Variants in LEKR1 observed in about 807,000 individuals in gnomAD.
LEKR1 encodes the protein leucine, glutamate and lysine rich 1.
LEKR1 carries 59 observed loss-of-function variants against 72.4 expected under a neutral mutation model. The observed-to-expected ratio is 0.82, with a 90% CI of 0.66 to 1.01. The LOEUF (loss-of-function observed/expected upper bound fraction) is 1.01. Ranked by LOEUF, LEKR1 falls within the 50% of genes least tolerant of loss-of-function variation. The pLI is 0.00. For missense variants in LEKR1, 728 were observed against 759.2 expected (o/e 0.96, Z 0.48); for synonymous variants, 257 against 263.2 (o/e 0.98, Z 0.23).
At chr3:156,854,410 T>C (rs1292276341) in intron 3 of LEKR1, among the ~76,000 whole-genome samples, 1 of 152,130 alleles carries the variant, frequency 6.6e-6, no homozygotes, top group East Asian at 1.9e-4. Context: ...CCTCCCAAAC[T>C]GTTGGCATTA....
At chr3:156,922,857 A>G (rs1032145225) in intron 4 of LEKR1, among the ~76,000 whole-genome samples, 3 of 152,224 alleles carry the variant, frequency 2.0e-5, no homozygotes, top group African/African-American at 7.2e-5. Flanking sequence ...GAAATATTCT[A>G]GCAGTATTTA....
chr3:156,898,124 A>G (rs891547167), intron 3 of LEKR1, among the ~76,000 whole-genome samples: 2 of 152,160 alleles, frequency 1.3e-5, no homozygotes, highest in Non-Finnish European at 2.9e-5. Flanking sequence ...ATATCTAGCT[A>G]TGTTAATAGG....
chr3:156,950,532 A>G (rs1156812196), intron 6 of LEKR1, among the ~76,000 whole-genome samples: 1 of 151,056 alleles, frequency 6.6e-6, no homozygotes, highest in Non-Finnish European at 1.5e-5. Flanking sequence ...TGTAATTCTC[A>G]TTGTAGAGAC....
intron 9 of LEKR1, among the ~76,000 whole-genome samples, chr3:157,008,176 G>A (rs113621762): frequency 0.012 from 1,874 of 152,206 alleles, 33 homozygotes; most frequent in African/African-American, 0.042. Flanking sequence ...ACATTTGCTG[G>A]ATTTTGAGCA....
chr3:156,850,050 A>T (rs1167525489), intron 2 of LEKR1, among the ~76,000 whole-genome samples: 1 of 152,162 alleles, frequency 6.6e-6, no homozygotes, highest in African/African-American at 2.4e-5. Context: ...ATGAACTCAG[A>T]CAAATTTACA....
At chr3:156,983,262 G>A (rs1244617598) in intron 7 of LEKR1, among the ~76,000 whole-genome samples, 1 of 152,162 alleles carries the variant, frequency 6.6e-6, no homozygotes, top group Non-Finnish European at 1.5e-5. Flanking sequence ...CAATTGAGTG[G>A]TGATGCTGGT....
intron 1 of LEKR1, chr3:156,826,809 C>T (rs972602443): frequency 6.4e-6 from 1 of 155,482 alleles, no homozygotes. Context: ...CCTTCACCTG[C>T]CCCTGACCTG....
intron 2 of LEKR1, among the ~76,000 whole-genome samples, chr3:156,846,722 T>C (rs376561865): frequency 6.6e-6 from 1 of 152,252 alleles, no homozygotes; most frequent in East Asian, 1.9e-4. Flanking sequence ...ATCACTCTTA[T>C]CTACAAAGAA....
At chr3:157,038,250 G>A (rs1453445016) in intron 12 of LEKR1, among the ~76,000 whole-genome samples, 2 of 152,178 alleles carry the variant, frequency 1.3e-5, no homozygotes, top group Non-Finnish European at 2.9e-5. Flanking sequence ...TGATATGAAA[G>A]CATAAAAAGG....
chr3:156,985,973 A>G (rs1008916802), intron 7 of LEKR1, among the ~76,000 whole-genome samples: 3 of 152,164 alleles, frequency 2.0e-5, no homozygotes, highest in Admixed American at 2.0e-4. Flanking sequence ...AGATGTGAGT[A>G]TGAAAACAGA....
intron 3 of LEKR1, among the ~76,000 whole-genome samples, chr3:156,919,478 G>T (rs1416534226): frequency 6.6e-6 from 1 of 152,106 alleles, no homozygotes; most frequent in Non-Finnish European, 1.5e-5. Flanking sequence ...GCAGTGACTG[G>T]TCTCACCCAA....
intron 9 of LEKR1, among the ~76,000 whole-genome samples, chr3:157,004,189 C>T (rs986120464): frequency 2.6e-5 from 4 of 151,818 alleles, no homozygotes; most frequent in Non-Finnish European, 5.9e-5. Flanking sequence ...AATGGCTTTA[C>T]AAAGTAGATT....
At chr3:156,843,768 A>C (rs1714230866) in intron 2 of LEKR1, among the ~76,000 whole-genome samples, 2 of 152,234 alleles carry the variant, frequency 1.3e-5, no homozygotes, top group African/African-American at 4.8e-5. Flanking sequence ...AAGTGGAAGA[A>C]AAGGAAAAAG....
At chr3:156,992,076 T>C (rs1177769570) in intron 7 of LEKR1, among the ~76,000 whole-genome samples, 1 of 152,242 alleles carries the variant, frequency 6.6e-6, no homozygotes, top group East Asian at 1.9e-4. Context: ...TGGAATATGC[T>C]TAATACATGT....
At position 157,045,708 on chromosome 3, in the gene LEKR1, G is replaced by A. The variant is rs1735707766; in HGVS notation, c.2037G>A (p.Gln679=). ...GGASSANETR[Q]RLAAILRRRR... ...CATCTTCAGCAAATGAGACTAGACAGAGACTGGCTGCCATTCTTAGGAGAA... is the reference window on the plus strand; with the variant it reads ...CATCTTCAGCAAATGAGACTAGACAAAGACTGGCTGCCATTCTTAGGAGAA... The change falls in exon 13 of 13, where the codon CAG becomes CAA. Residue 679 remains glutamine (Q), a synonymous_variant. Coordinates refer to ENST00000356539, the MANE Select transcript of LEKR1 (RefSeq NM_001004316.3). The A allele has an allele frequency of 6.2e-7, 1 of 1,612,390 alleles. No homozygotes were observed. The highest frequency in any genetic ancestry group is 1.3e-5 in the African/African-American group (1 of 75,052).
chr3:156,946,911 A>T (rs1329894290), intron 6 of LEKR1, among the ~76,000 whole-genome samples: 2 of 151,254 alleles, frequency 1.3e-5, no homozygotes, highest in Admixed American at 6.6e-5. Flanking sequence ...GCCTCTAATG[A>T]TAAACAATAT....
chr3:156,934,275 A>C (rs1387721360), intron 5 of LEKR1, among the ~76,000 whole-genome samples: 1 of 152,196 alleles, frequency 6.6e-6, no homozygotes, highest in Non-Finnish European at 1.5e-5. Flanking sequence ...GTGTTTTAAG[A>C]GAATTGAACC....
At chr3:156,861,959 A>T (rs1229439204) in intron 3 of LEKR1, among the ~76,000 whole-genome samples, 1 of 152,122 alleles carries the variant, frequency 6.6e-6, no homozygotes, top group Non-Finnish European at 1.5e-5. Flanking sequence ...CTCCATGAAC[A>T]TGTGCAAACA....
chr3:156,834,558 A>T (rs190803249), intron 2 of LEKR1, among the ~76,000 whole-genome samples: 486 of 152,274 alleles, frequency 3.2e-3, no homozygotes, highest in Non-Finnish European at 5.6e-3. Flanking sequence ...ACTCTTAGTC[A>T]CTTTTATTTC....
Sources: allele counts gnomAD v4.1 joint callset (sites outside exome capture counted in the v4.1 genomes callset), GRCh38; gene constraint gnomAD v4.1.1; transcripts MANE v1.5; gene names NCBI Gene and HGNC (gene_info 2026-07-23, HGNC 2026-07-21).